The following GRK4 variants were observed in gnomAD, a reference collection of about 807,000 sequenced individuals.
GRK4 encodes G protein-coupled receptor kinase 2-like.
A neutral mutation model predicts 77.9 loss-of-function variants in GRK4; 73 were observed. The observed-to-expected ratio is 0.94, with a 90% CI of 0.78 to 1.14. GRK4 has a LOEUF of 1.14. Ranked by LOEUF, GRK4 falls within the 50% of genes most tolerant of loss-of-function variation. The probability of loss-of-function intolerance (pLI) is 0.00; values close to 1 mark genes in which losing one functional copy is unlikely to be tolerated. For missense variants in GRK4, 729 were observed against 700.2 expected, an observed-to-expected ratio of 1.04 and a Z score of -0.46; for synonymous variants, 257 against 254.4, an observed-to-expected ratio of 1.01 and a Z score of -0.10.
At chr4:3,025,070 A>G (rs1737075392) in intron 10 of GRK4, among the ~76,000 whole-genome samples, 1 of 152,044 alleles carries the variant, frequency 6.6e-6, no homozygotes, top group African/African-American at 2.4e-5. Context: ...CAGGAGTTCA[A>G]GACCAGCCTG....
chr4:2,969,715 C>T (rs546531203), intron 1 of GRK4, among the ~76,000 whole-genome samples: 13 of 151,760 alleles, frequency 8.6e-5, no homozygotes, highest in South Asian at 4.2e-4. Context: ...TCTGTTACCC[C>T]GCTGGAGTGC....
intron 4 of GRK4, among the ~76,000 whole-genome samples, chr4:2,992,603 G>A (rs1057440004): frequency 1.3e-5 from 2 of 152,050 alleles, no homozygotes; most frequent in Non-Finnish European, 2.9e-5. Flanking sequence ...GATCGCTTGA[G>A]CCCAGGAGAT....
At chr4:2,998,406 A>G (rs572991566) in intron 4 of GRK4, among the ~76,000 whole-genome samples, 46 of 152,118 alleles carry the variant, frequency 3.0e-4, no homozygotes, top group African/African-American at 1.1e-3. Flanking sequence ...AAGAAGTAAA[A>G]CTCTATTTGC....
At chr4:3,023,962 C>G (rs1736750860) in intron 10 of GRK4, among the ~76,000 whole-genome samples, 2 of 152,180 alleles carry the variant, frequency 1.3e-5, no homozygotes, top group Admixed American at 1.3e-4. Flanking sequence ...GAAGTGATAA[C>G]AAGGCAGGGG....
intron 12 of GRK4, among the ~76,000 whole-genome samples, chr4:3,033,341 C>A (rs35163447): frequency 0.089 from 13,589 of 152,188 alleles, 769 homozygotes; most frequent in African/African-American, 0.16. Flanking sequence ...GAATCCCATT[C>A]ACGAGGGCAG....
At chr4:2,983,845 C>A (rs987270265) in intron 1 of GRK4, among the ~76,000 whole-genome samples, 1 of 152,018 alleles carries the variant, frequency 6.6e-6, no homozygotes, top group South Asian at 2.1e-4. Flanking sequence ...AGGAAACTTA[C>A]AATCATGGTG....
At chr4:3,027,026 C>T (rs1737772733) in intron 10 of GRK4, among the ~76,000 whole-genome samples, 1 of 152,178 alleles carries the variant, frequency 6.6e-6, no homozygotes, top group Admixed American at 6.5e-5. Context: ...ACACACTCAA[C>T]AGAATGTTTT....
chr4:3,038,138 T>C (rs1741351181), intron 14 of GRK4, among the ~76,000 whole-genome samples: 1 of 152,150 alleles, frequency 6.6e-6, no homozygotes, highest in Non-Finnish European at 1.5e-5. Flanking sequence ...AGGGTTCCCA[T>C]GGTAGTTCCC....
At chr4:2,998,165 T>C (rs1728507583) in intron 4 of GRK4, among the ~76,000 whole-genome samples, 1 of 152,148 alleles carries the variant, frequency 6.6e-6, no homozygotes, top group Admixed American at 6.5e-5. Flanking sequence ...GAGACCAGCC[T>C]GGGCAACATG....
At chr4:2,991,751 A>G (rs1406152813) in intron 3 of GRK4, among the ~76,000 whole-genome samples, 1 of 152,098 alleles carries the variant, frequency 6.6e-6, no homozygotes, top group Non-Finnish European at 1.5e-5. Context: ...GCCTCAGATG[A>G]TCTGCCTGCC....
intron 11 of GRK4, 149 bp from the exon 12 acceptor site, chr4:3,029,052 G>A: frequency 1.5e-6 from 1 of 649,082 alleles, no homozygotes; most frequent in Non-Finnish European, 2.6e-6. Context: ...GATTATAGGT[G>A]TGAGCCACCG....
At chr4:2,972,136 T>C (rs1304440926) in intron 1 of GRK4, among the ~76,000 whole-genome samples, 1 of 152,182 alleles carries the variant, frequency 6.6e-6, no homozygotes, top group Non-Finnish European at 1.5e-5. Context: ...CTTCAAACAC[T>C]GTGGCCCCAC....
At chr4:3,011,401 C>A (rs1042090902) in intron 7 of GRK4, among the ~76,000 whole-genome samples, 16 of 152,070 alleles carry the variant, frequency 1.1e-4, no homozygotes, top group African/African-American at 3.9e-4. Context: ...GGCAACATGG[C>A]AAGACCCCAT....
intron 4 of GRK4, among the ~76,000 whole-genome samples, chr4:2,993,605 T>G (rs1248776836): frequency 2.0e-5 from 3 of 151,882 alleles, no homozygotes. Context: ...ACCTGGGAGG[T>G]AAAGGTGGCA....
At position 3,037,356 on chromosome 4, in the gene GRK4, C is replaced by T. The variant is rs1741025158; in HGVS notation, c.1408-18C>T. Reference sequence around the variant, plus strand: ...TGCTGTAGTCATCTCAGAGGCTGCCCCTGTTCTTGCTACACAGCCTCATGC... The same window carrying T: ...TGCTGTAGTCATCTCAGAGGCTGCCTCTGTTCTTGCTACACAGCCTCATGC... On this transcript the variant is annotated intron_variant, in intron 13 of 15. Transcript: ENST00000398052. 6.4e-7 allele frequency: 1 copy of T among 1,567,206 alleles called. No individual in the cohort carries two copies. Among genetic ancestry groups the T allele is most frequent in the Non-Finnish European group, 8.7e-7 (1 of 1,144,338 alleles).
intron 4 of GRK4, among the ~76,000 whole-genome samples, chr4:3,001,089 ATGTGTGTGTGTG>A (rs1490130793): frequency 1.3e-4 from 11 of 82,348 alleles, no homozygotes; most frequent in African/African-American, 5.8e-4. Flanking sequence ...ATATATATAT[ATGTGTGTGTGTG>A]TGTGTATATA....
At chr4:2,998,550 A>G (rs1180999200) in intron 4 of GRK4, among the ~76,000 whole-genome samples, 3 of 152,132 alleles carry the variant, frequency 2.0e-5, no homozygotes, top group Non-Finnish European at 2.9e-5. Flanking sequence ...ATTTAATTGT[A>G]TTCCTATATA....
intron 12 of GRK4, among the ~76,000 whole-genome samples, chr4:3,031,523 C>T (rs1438838953): frequency 2.0e-5 from 3 of 152,226 alleles, no homozygotes; most frequent in Non-Finnish European, 2.9e-5. Flanking sequence ...AGAGAGAGGC[C>T]GGGGAGCTGG....
chr4:2,976,224 TTC>T (rs1412188468), intron 1 of GRK4, among the ~76,000 whole-genome samples: 5 of 152,070 alleles, frequency 3.3e-5, no homozygotes, highest in African/African-American at 1.2e-4. Context: ...CCTCCTTCCC[TTC>T]TTCCTTGTTT....
Sources: allele counts gnomAD v4.1 joint callset (sites outside exome capture counted in the v4.1 genomes callset), GRCh38; gene constraint gnomAD v4.1.1; transcripts MANE v1.5; gene names NCBI Gene and HGNC (gene_info 2026-07-23, HGNC 2026-07-21).